PPP2R5C: variants seen among roughly 807,000 people sequenced by gnomAD.
PPP2R5C encodes protein phosphatase 2 regulatory subunit B'gamma.
PPP2R5C carries 7 observed loss-of-function variants against 68.9 expected under a neutral mutation model. The ratio of observed to expected loss-of-function variants is 0.10; its 90% CI spans 0.06 to 0.19. The LOEUF (loss-of-function observed/expected upper bound fraction) is 0.19. Ranked by LOEUF, PPP2R5C falls within the 10% of genes least tolerant of loss-of-function variation. PPP2R5C has a pLI of 1.00. For missense variants in PPP2R5C, 348 were observed against 641.3 expected (o/e 0.54, Z 4.94); for synonymous variants, 210 against 222.2 (o/e 0.95, Z 0.49).
Position 101,917,731 on chromosome 14 carries a change from C to A in PPP2R5C, c.1327-100C>A, listed in dbSNP as rs916459541. On this transcript the variant is annotated intron_variant, in intron 12 of 13. Coordinates refer to ENST00000334743, the Ensembl canonical transcript of PPP2R5C. This position sits in a 1 kb window ranked among gnomAD's most constrained non-coding sequence, Gnocchi z 4.4. ...GAGTGGGCTTCCTGCGGGAGAGGGC[C>A]CTGGGGGGCGGCAGGGGAGATGAGT... is the stretch of plus-strand genomic sequence containing the variant. 2.6e-6 allele frequency: 4 copies of A among 1,541,680 alleles called. No individual in the cohort carries two copies. The highest frequency in any genetic ancestry group is 2.6e-6 in the Non-Finnish European group (3 of 1,137,780).
intron 9 of PPP2R5C, among the ~76,000 whole-genome samples, chr14:101,903,831 A>C (rs1322411458): frequency 6.6e-6 from 1 of 151,824 alleles, no homozygotes; most frequent in East Asian, 1.9e-4. Context: ...GCGTGCCACC[A>C]CACCCAGCTA....
At chr14:101,927,114 T>C (rs2047315998) in exon 14 of PPP2R5C, 1 of 152,210 alleles carries the variant, frequency 6.6e-6, no homozygotes, top group African/African-American at 2.4e-5. Flanking sequence ...CTTCCGTCTT[T>C]AGCTGATAGA....
intron 13 of PPP2R5C, chr14:101,921,416 G>C (rs1167369952): frequency 2.0e-5 from 3 of 152,424 alleles, no homozygotes; most frequent in African/African-American, 7.3e-5. Context: ...TGGAAATTCT[G>C]AAAGCACTAT....
chr14:101,909,750 C>A, intron 11 of PPP2R5C, 60 bp downstream of exon 13: 1 of 1,254,878 alleles, frequency 8.0e-7, no homozygotes, highest in Non-Finnish European at 1.1e-6. Context: ...CCTAAGTAAA[C>A]CTCTTCCACT....
chr14:101,862,308 G>A (rs1044779840), intron 2 of PPP2R5C, among the ~76,000 whole-genome samples: 3 of 152,202 alleles, frequency 2.0e-5, no homozygotes, highest in Non-Finnish European at 4.4e-5. Context: ...GTGGTGATGG[G>A]AATGAGTGGG....
Position 101,883,359 on chromosome 14 carries a change from A to T in PPP2R5C, c.498+10A>T, listed in dbSNP as rs763110009. ...GAAGTTTGTATTGCAGGTAAGGTACAAATTAGCTGACACTCTGAAAGCCCT... is the reference window on the plus strand; with the variant it reads ...GAAGTTTGTATTGCAGGTAAGGTACTAATTAGCTGACACTCTGAAAGCCCT... On this transcript the variant is annotated intron_variant, in intron 4 of 13. Coordinates refer to ENST00000334743, the Ensembl canonical transcript of PPP2R5C. 12 of 1,606,086 alleles carry T rather than the reference A, an allele frequency of 7.5e-6. No individual in the cohort carries two copies. Among genetic ancestry groups the T allele is most frequent in the Non-Finnish European group, 1.0e-5 (12 of 1,176,790 alleles).
intron 1 of PPP2R5C, chr14:101,818,724 G>A (rs1421485733): frequency 3.5e-6 from 1 of 286,340 alleles, no homozygotes; most frequent in African/African-American, 2.2e-5. Context: ...TTTAAATGCA[G>A]ATGTTGCTTT....
intron 2 of PPP2R5C, among the ~76,000 whole-genome samples, chr14:101,858,958 G>C (rs1416314549): frequency 6.6e-6 from 1 of 152,188 alleles, no homozygotes; most frequent in African/African-American, 2.4e-5. Flanking sequence ...TGTTTTTATA[G>C]ATTAAGTCAT....
chr14:101,844,245 A>G (rs998331616), intron 1 of PPP2R5C: 4 of 150,554 alleles, frequency 2.7e-5, no homozygotes, highest in Non-Finnish European at 4.4e-5. Flanking sequence ...TAGAGAGTGG[A>G]ACGGTGGGTA....
At chr14:101,890,117 C>A in intron 5 of PPP2R5C, 120 bp from the exon 8 acceptor site, 1 of 883,276 alleles carries the variant, frequency 1.1e-6, no homozygotes, top group Non-Finnish European at 1.8e-6. Context: ...TCACCACGAG[C>A]AGTGTTTGCA....
At chr14:101,790,609 A>C (rs1325607334) in intron 3 of PPP2R5C, among the ~76,000 whole-genome samples, 1 of 152,162 alleles carries the variant, frequency 6.6e-6, no homozygotes, top group Non-Finnish European at 1.5e-5. Flanking sequence ...GATACACCAC[A>C]TTTTGTTTAT....
chr14:101,885,678 C>G (rs556580402), intron 5 of PPP2R5C, among the ~76,000 whole-genome samples: 2 of 152,210 alleles, frequency 1.3e-5, no homozygotes. Context: ...TAAAATGGAG[C>G]CCGGTGCTGG....
chr14:101,792,785 T>C (rs1310262492), intron 3 of PPP2R5C, among the ~76,000 whole-genome samples: 2 of 152,182 alleles, frequency 1.3e-5, no homozygotes, highest in African/African-American at 4.8e-5. Flanking sequence ...CATAGCCTCA[T>C]TTATTTTTGA....
chr14:101,771,942 T>C (rs2139976246), intron 2 of PPP2R5C, among the ~76,000 whole-genome samples: 1 of 152,264 alleles, frequency 6.6e-6, no homozygotes, highest in East Asian at 1.9e-4. Flanking sequence ...ATTAAAATTA[T>C]GTAAATAATT....
chr14:101,762,209 G>T (rs1466985192), intron 1 of PPP2R5C, among the ~76,000 whole-genome samples: 1 of 152,030 alleles, frequency 6.6e-6, no homozygotes, highest in Non-Finnish European at 1.5e-5. Flanking sequence ...CGCGGCCCGG[G>T]GAGGGGGTCG....
At position 101,917,515 on chromosome 14, in the gene PPP2R5C, G is replaced by A. The variant is rs1310708306; in HGVS notation, c.1327-316G>A. Among the ~76,000 whole-genome samples, 1 of 152,138 alleles carries A rather than the reference G, an allele frequency of 6.6e-6. No individual in the cohort carries two copies. The highest frequency in any genetic ancestry group is 2.4e-5 in the African/African-American group (1 of 41,426). On this transcript the variant is annotated intron_variant, in intron 12 of 13. Transcript: ENST00000334743. The surrounding 1 kb of genome is among the most constrained non-coding windows in gnomAD (Gnocchi z 4.4). ...ACCACCGAGCCCAGGGTGCGACCTC[G>A]CACTTGGCTGCTCACGTGGAGTCAG...
intron 1 of PPP2R5C, among the ~76,000 whole-genome samples, chr14:101,829,432 A>G (rs2040599828): frequency 1.3e-5 from 2 of 152,204 alleles, no homozygotes; most frequent in East Asian, 1.9e-4. Context: ...AGCAGAAGGA[A>G]CCTACATCAG....
chr14:101,873,852 C>T (rs770762396), intron 2 of PPP2R5C, among the ~76,000 whole-genome samples: 26 of 152,150 alleles, frequency 1.7e-4, no homozygotes, highest in Non-Finnish European at 2.5e-4. Context: ...CGGTGTGGGA[C>T]GTGCCTCACT....
chr14:101,830,548 G>A (rs576313426), intron 1 of PPP2R5C, among the ~76,000 whole-genome samples: 3 of 152,338 alleles, frequency 2.0e-5, no homozygotes, highest in African/African-American at 7.2e-5. Context: ...CAGGTCCACA[G>A]CCTGCACCTG....
Sources: allele counts gnomAD v4.1 joint callset (sites outside exome capture counted in the v4.1 genomes callset), GRCh38; gene constraint gnomAD v4.1.1; non-coding constraint Gnocchi (gnomAD v3.1); transcripts MANE v1.5; gene names NCBI Gene and HGNC (gene_info 2026-07-23, HGNC 2026-07-21).